Variants in GBF1 observed in about 807,000 individuals in gnomAD.
GBF1 encodes the protein golgi brefeldin A resistant guanine nucleotide exchange factor 1, also known as Golgi-specific brefeldin A-resistance guanine nucleotide exchange factor 1.
GBF1 carries 114 observed loss-of-function variants against 210.5 expected under a neutral mutation model. The observed-to-expected ratio is 0.54, with a 90% CI of 0.47 to 0.63. The LOEUF is 0.63. Among genes scored for constraint, GBF1 ranks in the 30% least tolerant of loss-of-function variants. The probability of loss-of-function intolerance (pLI) is 0.00; values close to 1 mark genes in which losing one functional copy is unlikely to be tolerated. For missense variants in GBF1, 1,851 were observed against 2,357.7 expected, an observed-to-expected ratio of 0.79 and a Z score of 4.45; for synonymous variants, 850 against 889.2, an observed-to-expected ratio of 0.96 and a Z score of 0.78.
chr10:102,302,601 A>G (rs1321395472), intron 3 of GBF1, among the ~76,000 whole-genome samples: 1 of 152,242 alleles, frequency 6.6e-6, no homozygotes. Flanking sequence ...AAGAATTCTT[A>G]GAATTCATCT....
In GBF1 at chr10:102,363,399, G is replaced by A; in HGVS notation, c.2017+3G>A. On this transcript the variant is annotated splice_donor_region_variant and intron_variant, in intron 16 of 39. Coordinates refer to ENST00000369983, the MANE Select transcript of GBF1 (RefSeq NM_001377137.1). The surrounding 1 kb of genome is among the most constrained non-coding windows in gnomAD (Gnocchi z 4.2). ...GGAGGAAGCTGTTGACTCTGGGGGTGGGTACTGGGTGTCCATGACCCTAAG... is the reference window on the plus strand; with the variant it reads ...GGAGGAAGCTGTTGACTCTGGGGGTAGGTACTGGGTGTCCATGACCCTAAG... 6.2e-7 allele frequency: 1 copy of A among 1,612,266 alleles called. No homozygotes were observed.
chr10:102,370,368 T>A lies in GBF1; in HGVS notation c.3412-16T>A, dbSNP rs1226279559. ...TTCTTTTCCATGCCTACTTTCCTGC[T>A]GCTGTTCCCCTTCAGGCTCTGGTCT... On this transcript the variant is annotated splice_polypyrimidine_tract_variant and intron_variant, in intron 27 of 39. Transcript: ENST00000369983. The A allele has an allele frequency of 1.9e-6, 3 of 1,583,304 alleles. No individual in the cohort carries two copies. Among genetic ancestry groups the A allele is most frequent in the Non-Finnish European group, 2.6e-6 (3 of 1,151,896 alleles).
At chr10:102,332,754 A>G (rs940891317) in intron 3 of GBF1, among the ~76,000 whole-genome samples, 4 of 152,142 alleles carry the variant, frequency 2.6e-5, no homozygotes, top group Non-Finnish European at 4.4e-5. Context: ...GGATCTATGG[A>G]TCCTGATTTT....
intron 3 of GBF1, among the ~76,000 whole-genome samples, chr10:102,272,905 G>A (rs1217982775): frequency 6.6e-6 from 1 of 151,972 alleles, no homozygotes; most frequent in Non-Finnish European, 1.5e-5. Flanking sequence ...GTTATTTTTG[G>A]TGCTCACATT....
At chr10:102,230,930 G>A in the GBF1 span, 1 of 1,609,622 alleles carries the variant, frequency 6.2e-7, no homozygotes, top group Admixed American at 1.7e-5. Flanking sequence ...TTGGCGGCGA[G>A]CGGCGGGGCA....
chr10:102,287,090 A>C (rs1341434210), intron 3 of GBF1, among the ~76,000 whole-genome samples: 4 of 152,284 alleles, frequency 2.6e-5, no homozygotes, highest in Non-Finnish European at 5.9e-5. Context: ...ATCATAGGCA[A>C]TAACCACTTT....
intron 3 of GBF1, among the ~76,000 whole-genome samples, chr10:102,321,699 A>C (rs2056414039): frequency 6.6e-6 from 1 of 152,070 alleles, no homozygotes. Flanking sequence ...CCTCCCGAGT[A>C]GCTGGGACCA....
chr10:102,308,381 A>G (rs542993790), intron 3 of GBF1, among the ~76,000 whole-genome samples: 148 of 152,254 alleles, frequency 9.7e-4, no homozygotes, highest in Admixed American at 1.8e-3. Flanking sequence ...GCCAATCCAT[A>G]CCCAAAAGAC....
chr10:102,343,682 G>T, intron 3 of GBF1, among the ~76,000 whole-genome samples: 1 of 151,794 alleles, frequency 6.6e-6, no homozygotes, highest in Non-Finnish European at 1.5e-5. Context: ...GCCGGGCATG[G>T]TGACAGACGC....
chr10:102,345,978 G>C (rs2058539914), intron 4 of GBF1, among the ~76,000 whole-genome samples: 1 of 151,888 alleles, frequency 6.6e-6, no homozygotes, highest in Non-Finnish European at 1.5e-5. Flanking sequence ...GTGTAATATA[G>C]ATATAACACA....
intron 3 of GBF1, among the ~76,000 whole-genome samples, chr10:102,337,301 G>T (rs4919630): frequency 8.0e-5 from 12 of 149,870 alleles, no homozygotes; most frequent in Non-Finnish European, 1.6e-4. Flanking sequence ...TGGTGCGTGG[G>T]GGAGCTTGCA....
chr10:102,378,487 G>T (rs2060643390), intron 33 of GBF1, among the ~76,000 whole-genome samples: 1 of 151,642 alleles, frequency 6.6e-6, no homozygotes, highest in African/African-American at 2.4e-5. Context: ...AATTATCTGG[G>T]CATGGTGGCA....
chr10:102,235,091 C>T, the GBF1 span, among the ~76,000 whole-genome samples: 57 of 152,190 alleles, frequency 3.7e-4, no homozygotes, highest in African/African-American at 8.4e-4. Context: ...CAGACAGACA[C>T]GTACCGTCAC....
chr10:102,304,053 C>T (rs2077628896), intron 3 of GBF1, among the ~76,000 whole-genome samples: 1 of 151,780 alleles, frequency 6.6e-6, no homozygotes, highest in Non-Finnish European at 1.5e-5. Context: ...TGTGAAGTCT[C>T]CATCTTCACA....
chr10:102,359,346 CT>C lies in GBF1; in HGVS notation c.1092del (p.Ala365ProfsTer63). 6.2e-7 allele frequency: 1 copy of C among 1,611,606 alleles called. No homozygotes were observed. Among genetic ancestry groups the C allele is most frequent in the Non-Finnish European group, 8.5e-7 (1 of 1,177,670 alleles). Reference sequence around the variant, plus strand: ...GAAGTGTTAGAGGAGTGCACGTCCCCTGCCGACCACTCTGACTCTGCCTCTG... The same window carrying C: ...GAAGTGTTAGAGGAGTGCACGTCCCCGCCGACCACTCTGACTCTGCCTCTG... ...IPEVLEECTS[P>X]ADHSDSASVH... On this transcript the variant is annotated frameshift_variant, in exon 11 of 40. Transcript: ENST00000369983. LOFTEE classifies it high-confidence loss of function.
chr10:102,365,899 A>G (rs916240683), intron 18 of GBF1, among the ~76,000 whole-genome samples: 7 of 148,798 alleles, frequency 4.7e-5, no homozygotes, highest in Admixed American at 4.0e-4. Context: ...AGAGTGAGAT[A>G]GAGTGAGATC....
chr10:102,256,373 T>C (rs1411384809), intron 1 of GBF1, among the ~76,000 whole-genome samples: 1 of 152,144 alleles, frequency 6.6e-6, no homozygotes, highest in Non-Finnish European at 1.5e-5. Flanking sequence ...CATTTCTTTC[T>C]CTATTATCTC....
chr10:102,284,283 AT>A, intron 3 of GBF1, among the ~76,000 whole-genome samples: 1 of 152,354 alleles, frequency 6.6e-6, no homozygotes, highest in East Asian at 1.9e-4. Context: ...TGAAATGCAT[AT>A]AACATAAAAT....
At chr10:102,318,145 C>A (rs1404404480) in intron 3 of GBF1, among the ~76,000 whole-genome samples, 1 of 152,086 alleles carries the variant, frequency 6.6e-6, no homozygotes, top group Admixed American at 6.5e-5. Flanking sequence ...ATCCGCCCGG[C>A]CTCGGCCTCC....
Sources: gnomAD v4.1 joint callset for allele counts (sites outside exome capture counted in the v4.1 genomes callset) on GRCh38, gnomAD v4.1.1 for gene constraint, Gnocchi (gnomAD v3.1) non-coding constraint, MANE v1.5 for transcripts, NCBI Gene and HGNC (gene_info 2026-07-23, HGNC 2026-07-21) for gene names.